Variants in TFCP2L1 observed in about 807,000 individuals in gnomAD.
TFCP2L1 encodes the protein transcription factor CP2-like protein 1.
In TFCP2L1, 12 loss-of-function variants were observed where a neutral mutation model predicts 72.2. The ratio of observed to expected loss-of-function variants is 0.17; its 90% confidence interval spans 0.11 to 0.27. The LOEUF (loss-of-function observed/expected upper bound fraction) is 0.27, where lower values mean the gene tolerates loss of function less well. TFCP2L1 is among the 10% of genes least tolerant of loss of function. The pLI, the probability that TFCP2L1 is intolerant of heterozygous loss-of-function variation, is 1.00. For synonymous variants in TFCP2L1, 260 were observed against 251.0 expected, an observed-to-expected ratio of 1.04 and a Z score of -0.34; for missense variants, 488 against 624.6, an observed-to-expected ratio of 0.78 and a Z score of 2.33.
intron 13 of TFCP2L1, among the ~76,000 whole-genome samples, chr2:121,229,042 C>A (rs1360212046): frequency 6.6e-6 from 1 of 152,102 alleles, no homozygotes; most frequent in African/African-American, 2.4e-5. Flanking sequence ...GGCTCAGCCT[C>A]CCGAATAGCT....
At position 121,284,923 on chromosome 2, in the gene TFCP2L1, C is replaced by G. The variant is rs1025942191; in HGVS notation, c.62+125G>C. The G allele has an allele frequency of 3.6e-6, 3 of 843,486 alleles. No homozygotes were observed. The African/African-American group carries it at 5.4e-5, about 15-fold the overall frequency. The allele number at this position is 843,486 out of a possible 1,614,324, so 52.3% of individuals were successfully genotyped here. On this transcript the variant is annotated intron_variant, in intron 1 of 14. Transcript: ENST00000263707. ...GGACGCTGGGCGGGTCTCTCAGTCC[C>G]CAGAGGGCGGACAGCGGGGAGGCCA...
intron 11 of TFCP2L1, chr2:121,234,414 G>A (rs112810046): frequency 5.0e-5 from 27 of 543,138 alleles, no homozygotes; most frequent in East Asian, 1.3e-4. Flanking sequence ...CATACAAGAC[G>A]TTTTCAGGCA....
At chr2:121,261,579 T>C (rs942845553) in intron 2 of TFCP2L1, among the ~76,000 whole-genome samples, 2 of 152,150 alleles carry the variant, frequency 1.3e-5, no homozygotes, top group African/African-American at 4.8e-5. Context: ...AGTGAATAAA[T>C]AAGTTAATGG....
chr2:121,259,014 A>G (rs2104725648), intron 2 of TFCP2L1, among the ~76,000 whole-genome samples: 1 of 152,256 alleles, frequency 6.6e-6, no homozygotes, highest in African/African-American at 2.4e-5. Flanking sequence ...TTGGGAGGCC[A>G]AGGCAGGTGG....
chr2:121,251,437 T>G (rs879561457), intron 2 of TFCP2L1, among the ~76,000 whole-genome samples: 7 of 152,228 alleles, frequency 4.6e-5, no homozygotes, highest in Non-Finnish European at 7.3e-5. Flanking sequence ...CTATGAAATA[T>G]AATCACATTT....
intron 10 of TFCP2L1, among the ~76,000 whole-genome samples, chr2:121,236,976 C>T (rs545707942): frequency 2.6e-5 from 4 of 152,218 alleles, no homozygotes; most frequent in South Asian, 2.1e-4. Context: ...TCAGCAATGC[C>T]GAGCTGAGGA....
At chr2:121,254,027 A>C (rs922125716) in intron 2 of TFCP2L1, among the ~76,000 whole-genome samples, 1 of 152,108 alleles carries the variant, frequency 6.6e-6, no homozygotes, top group Admixed American at 6.5e-5. Context: ...GGCTGAACTG[A>C]CCTAGGGCAC....
rs569649643 is a variant in TFCP2L1, at chr2:121,240,166, C to A, written c.769-517G>T. 3 of 985,308 alleles carry A rather than the reference C, an allele frequency of 3.0e-6. No individual in the cohort carries two copies. The South Asian group carries it at 1.4e-4, about 46-fold the overall frequency. 61.0% of individuals were successfully genotyped at this position (985,308 alleles called of 1,614,324 possible). On this transcript the variant is annotated intron_variant, in intron 7 of 14. Coordinates refer to ENST00000263707, the MANE Select transcript of TFCP2L1 (RefSeq NM_014553.3). The stretch of plus-strand genomic sequence containing the variant: ...GCTCTTGCACAATCACCAAAAGCAG[C>A]TCCTCTCGGTGAAATTTGATGGTGT...
intron 1 of TFCP2L1, among the ~76,000 whole-genome samples, chr2:121,282,192 C>A (rs1425028293): frequency 1.3e-5 from 2 of 151,846 alleles, no homozygotes; most frequent in Non-Finnish European, 2.9e-5. Context: ...CTCGGCCTCC[C>A]AAAGTGCTGG....
In TFCP2L1 at chr2:121,222,267, A is replaced by G. The variant is rs1230875656; in HGVS notation, c.*2074T>C. The G allele has an allele frequency of 1.3e-5, 2 of 152,244 alleles. No homozygotes were observed. The highest frequency in any genetic ancestry group is 2.4e-5 in the African/African-American group (1 of 41,452). 9.4% of individuals were successfully genotyped at this position (152,244 alleles called of 1,614,324 possible). On this transcript the variant is annotated 3_prime_UTR_variant, in exon 15 of 15. Coordinates refer to ENST00000263707, the MANE Select transcript of TFCP2L1 (RefSeq NM_014553.3). Reference sequence around the variant, plus strand: ...AGTTTCTCAAAAAGTTAAAACACGGAGTTACTGTAAGACCTAGCAATTCCA... The same window carrying G: ...AGTTTCTCAAAAAGTTAAAACACGGGGTTACTGTAAGACCTAGCAATTCCA...
intron 2 of TFCP2L1, among the ~76,000 whole-genome samples, chr2:121,267,925 A>C (rs900826237): frequency 1.3e-5 from 2 of 152,206 alleles, no homozygotes; most frequent in Non-Finnish European, 2.9e-5. Flanking sequence ...GCACATCTGT[A>C]ATCCCAGCAC....
intron 2 of TFCP2L1, among the ~76,000 whole-genome samples, chr2:121,261,196 G>A (rs114950781): frequency 0.014 from 2,207 of 152,332 alleles, 52 homozygotes; most frequent in African/African-American, 0.051. Context: ...ACTATCACCT[G>A]CATGACCTTG....
Position 121,217,895 on chromosome 2 carries a change from T to G in TFCP2L1, c.*6446A>C, listed in dbSNP as rs1056226660. 1 of 152,234 alleles carries G rather than the reference T, an allele frequency of 6.6e-6. No homozygotes were observed. The allele number at this position is 152,234 out of a possible 1,614,324, so 9.4% of individuals were successfully genotyped here. A position where few individuals can be genotyped will look rare whatever the true frequency, so the allele number is the denominator to read the frequency against. ...CGGGGTGGACTCTGCAGGAGCCAGCTGAAGCACCAGAACCTTCCAAGGGGG... is the reference window on the plus strand; with the variant it reads ...CGGGGTGGACTCTGCAGGAGCCAGCGGAAGCACCAGAACCTTCCAAGGGGG... On this transcript the variant is annotated 3_prime_UTR_variant, in exon 15 of 15. Transcript: ENST00000263707.
At chr2:121,236,605 C>A (rs1256088605) in intron 10 of TFCP2L1, among the ~76,000 whole-genome samples, 3 of 152,190 alleles carry the variant, frequency 2.0e-5, no homozygotes, top group African/African-American at 7.2e-5. Context: ...TCTATAGACA[C>A]AATGGCTTCC....
rs759838154 is a variant in TFCP2L1, at chr2:121,246,839, G to A, written c.636C>T (p.Ser212=). 6 of 1,614,200 alleles carry A rather than the reference G, an allele frequency of 3.7e-6. No individual in the cohort carries two copies. In the Admixed American group the frequency reaches 8.3e-5, roughly 22 times the overall value. Residue 212 remains serine, a synonymous_variant, in exon 6 of 15, where the codon AGC becomes AGT. Transcript: ENST00000263707. ...CTACCTTGAACACCTTGATCTGGCA[G>A]CTGGCTGAGTGCAGGTGCTCCGTGT... ...GEYTEHLHSA[S]CQIKVFKPKG...
chr2:121,232,520 A>G (rs1411982680), intron 12 of TFCP2L1, among the ~76,000 whole-genome samples: 3 of 152,140 alleles, frequency 2.0e-5, no homozygotes, highest in African/African-American at 7.2e-5. Context: ...TCCCCAGCCC[A>G]GTGACACCCA....
At position 121,269,918 on chromosome 2, in the gene TFCP2L1, A is replaced by T. The variant is rs868312004; in HGVS notation, c.214+11202T>A. Reference sequence around the variant, plus strand: ...AGCAAGACTCCATCTAAAAAAAAAAAATATATATATATATATATGCAAAAG... The same window carrying T: ...AGCAAGACTCCATCTAAAAAAAAAATATATATATATATATATATGCAAAAG... On this transcript the variant is annotated intron_variant, in intron 2 of 14. Coordinates refer to ENST00000263707, the MANE Select transcript of TFCP2L1 (RefSeq NM_014553.3). Among the ~76,000 whole-genome samples the T allele has an allele frequency of 7.3e-4, 84 of 115,182 alleles. 2 individuals are homozygous for T. Among genetic ancestry groups the T allele is most frequent in the Non-Finnish European group, 1.1e-3 (64 of 60,424 alleles). The allele number at this position is 115,182 out of a possible 152,430, so 75.6% of individuals were successfully genotyped here. A position where few individuals can be genotyped will look rare whatever the true frequency, so the allele number is the denominator to read the frequency against.
chr2:121,275,066 C>T (rs1687117968), intron 2 of TFCP2L1, among the ~76,000 whole-genome samples: 2 of 151,914 alleles, frequency 1.3e-5, no homozygotes, highest in African/African-American at 4.8e-5. Context: ...ATATTCTGCC[C>T]TAAATAACAA....
At chr2:121,237,880 C>T (rs1482846159) in intron 8 of TFCP2L1, 30 bp from the exon 9 acceptor site, 2 of 1,612,880 alleles carry the variant, frequency 1.2e-6, no homozygotes, top group East Asian at 2.2e-5. Context: ...GTGATGAGGA[C>T]AGAGGGGGCT....
Sources: allele counts gnomAD v4.1 joint callset (sites outside exome capture counted in the v4.1 genomes callset), GRCh38; gene constraint gnomAD v4.1.1; transcripts MANE v1.5; gene names NCBI Gene and HGNC (gene_info 2026-07-23, HGNC 2026-07-21).